The following GLRA2 variants were observed in gnomAD, a reference collection of about 807,000 sequenced individuals.
The protein encoded by GLRA2 is glycine receptor subunit alpha-2.
Under a neutral mutation model 31.6 loss-of-function variants are expected in GLRA2, and 11 were observed. That is an observed-to-expected ratio of 0.35 (90% CI 0.22 to 0.58). The LOEUF (loss-of-function observed/expected upper bound fraction) is 0.58, where lower values mean the gene tolerates loss of function less well. Ranked by LOEUF, GLRA2 falls within the 20% of genes least tolerant of loss-of-function variation. The pLI is 0.84. For missense variants in GLRA2, 212 were observed against 351.8 expected (o/e 0.60, Z 3.18); for synonymous variants, 132 against 134.0 (o/e 0.99, Z 0.10).
intron 4 of GLRA2, among the ~76,000 whole-genome samples, chrX:14,592,947 G>A (rs760025982): frequency 1.8e-5 from 2 of 112,153 alleles, no homozygotes; most frequent in Non-Finnish European, 3.8e-5. Context: ...TGAAGAGCTA[G>A]TCTGCTATTA....
At chrX:14,612,048 G>A (rs896335009) in intron 7 of GLRA2, among the ~76,000 whole-genome samples, 18 of 111,575 alleles carry the variant, frequency 1.6e-4, no homozygotes, top group African/African-American at 5.9e-4. Context: ...ATAAAGGACT[G>A]GAATTTCTCT....
chrX:14,643,143 T>C (rs370545202), intron 7 of GLRA2, among the ~76,000 whole-genome samples: 2 of 111,759 alleles, frequency 1.8e-5, no homozygotes, highest in East Asian at 2.8e-4. Flanking sequence ...ATGTTAGTTG[T>C]GTAACTGCAA....
chrX:14,660,539 A>C (rs1357244162), intron 7 of GLRA2, among the ~76,000 whole-genome samples: 1 of 111,800 alleles, frequency 8.9e-6, no homozygotes, highest in Non-Finnish European at 1.9e-5. Flanking sequence ...TTTAAAAAGG[A>C]TACTGCAGCT....
intron 7 of GLRA2, among the ~76,000 whole-genome samples, chrX:14,653,877 C>A (rs938112184): frequency 1.8e-5 from 2 of 112,137 alleles, no homozygotes; most frequent in East Asian, 2.8e-4. Flanking sequence ...GTAATCCCAG[C>A]GAATTGGGAG....
intron 8 of GLRA2, among the ~76,000 whole-genome samples, chrX:14,713,557 C>A (rs1305400290): frequency 8.9e-6 from 1 of 112,031 alleles, no homozygotes; most frequent in African/African-American, 3.2e-5. Context: ...GAAAGCCAAA[C>A]AACTATTTTT....
rs1393486151 is a variant in GLRA2, at chrX:14,731,245, CTTAAA to C, written c.*763_*767del. The C allele has an allele frequency of 1.8e-5, 2 of 112,267 alleles. No individual in the cohort carries two copies. Among genetic ancestry groups the C allele is most frequent in the Non-Finnish European group, 3.8e-5 (2 of 53,251 alleles). 9.3% of individuals were successfully genotyped at this position (112,267 alleles called of 1,213,427 possible). ...TTCTTTCCAAGATAAAATTTTGAAA[CTTAAA>C]TTGTGTATTGTGTAATTAATTTGAT... On this transcript the variant is annotated 3_prime_UTR_variant, in exon 9 of 9. Coordinates refer to ENST00000218075, the MANE Select transcript of GLRA2 (RefSeq NM_002063.4).
chrX:14,659,341 C>T (rs1409592944), intron 7 of GLRA2, among the ~76,000 whole-genome samples: 1 of 111,655 alleles, frequency 9.0e-6, no homozygotes, highest in Non-Finnish European at 1.9e-5. Flanking sequence ...AGAAACAGGC[C>T]AATTCACCAA....
intron 8 of GLRA2, among the ~76,000 whole-genome samples, chrX:14,692,477 C>A (rs1223250463): frequency 8.9e-6 from 1 of 111,801 alleles, no homozygotes. Context: ...TGGTTTAAGT[C>A]CTTCAACAAC....
chrX:14,572,193 T>C lies in GLRA2; in HGVS notation c.203-2140T>C, dbSNP rs1444894361. Among the ~76,000 whole-genome samples, 4 of 112,436 alleles carry C rather than the reference T, an allele frequency of 3.6e-5. No homozygotes were observed. The East Asian group carries it at 1.1e-3, about 31-fold the overall frequency. ...AAAGATAAAAACGAATATATAATGG[T>C]ATGACCCAGCTTTCTAAATGCTTCC... On this transcript the variant is annotated intron_variant, in intron 2 of 8. Coordinates refer to ENST00000218075, the MANE Select transcript of GLRA2 (RefSeq NM_002063.4).
chrX:14,572,103 C>A (rs930546828), intron 2 of GLRA2, among the ~76,000 whole-genome samples: 6 of 111,543 alleles, frequency 5.4e-5, no homozygotes, highest in Admixed American at 1.9e-4. Context: ...CACAGTGCAG[C>A]AATATATGGT....
At chrX:14,577,718 G>A (rs918722051) in intron 3 of GLRA2, among the ~76,000 whole-genome samples, 3 of 111,127 alleles carry the variant, frequency 2.7e-5, no homozygotes, top group African/African-American at 9.8e-5. Flanking sequence ...CAAAGGCCCC[G>A]CTTCTACCCT....
At chrX:14,559,548 C>G (rs994527881) in intron 2 of GLRA2, among the ~76,000 whole-genome samples, 108 of 103,153 alleles carry the variant, frequency 1.0e-3, no homozygotes, top group Non-Finnish European at 1.9e-3. Context: ...TCCCGAGTAG[C>G]TGGGACTACA....
At chrX:14,616,118 G>T (rs900279936) in intron 7 of GLRA2, among the ~76,000 whole-genome samples, 2 of 111,888 alleles carry the variant, frequency 1.8e-5, no homozygotes, top group Non-Finnish European at 3.8e-5. Context: ...AAAAGTATGA[G>T]GATGAATTGA....
At chrX:14,688,877 C>T (rs1430131948) in intron 7 of GLRA2, among the ~76,000 whole-genome samples, 9 of 111,548 alleles carry the variant, frequency 8.1e-5, no homozygotes, top group East Asian at 2.8e-4. Flanking sequence ...AGAAATCCCT[C>T]GTCTTCTGCG....
the GLRA2 span, among the ~76,000 whole-genome samples, chrX:14,493,371 G>C: frequency 3.9e-4 from 42 of 108,342 alleles, no homozygotes; most frequent in African/African-American, 1.3e-3. Context: ...CAACATGAAT[G>C]AACCTCAAAT....
At chrX:14,673,814 G>A (rs779105751) in intron 7 of GLRA2, among the ~76,000 whole-genome samples, 1 of 112,470 alleles carries the variant, frequency 8.9e-6, no homozygotes, top group African/African-American at 3.2e-5. Context: ...AATGAAGATT[G>A]CGGTTATCTG....
At chrX:14,644,340 G>A (rs761310409) in intron 7 of GLRA2, among the ~76,000 whole-genome samples, 14 of 111,886 alleles carry the variant, frequency 1.3e-4, no homozygotes, top group African/African-American at 3.2e-4. Context: ...TGGGATAGTC[G>A]AATGAAGAAA....
intron 8 of GLRA2, among the ~76,000 whole-genome samples, chrX:14,708,575 G>A (rs778135836): frequency 8.9e-6 from 1 of 111,944 alleles, no homozygotes; most frequent in Non-Finnish European, 1.9e-5. Context: ...TGCCTTCAGA[G>A]TTCAAGCTGT....
chrX:14,535,116 TAAG>T (rs928257586), intron 2 of GLRA2, among the ~76,000 whole-genome samples: 2 of 111,662 alleles, frequency 1.8e-5, no homozygotes, highest in African/African-American at 6.5e-5. Flanking sequence ...CGGTGACTGT[TAAG>T]AAGATAGAAG....
Sources: gnomAD v4.1 joint callset for allele counts (sites outside exome capture counted in the v4.1 genomes callset) on GRCh38, gnomAD v4.1.1 for gene constraint, MANE v1.5 for transcripts, NCBI Gene and HGNC (gene_info 2026-07-23, HGNC 2026-07-21) for gene names.